The following EPM2A variants were observed in gnomAD, a reference collection of about 807,000 sequenced individuals.
EPM2A encodes the protein laforin.
In EPM2A, 21 loss-of-function variants were observed where a neutral mutation model predicts 26.5. The observed-to-expected ratio is 0.79, with a 90% CI of 0.56 to 1.14. The LOEUF (loss-of-function observed/expected upper bound fraction) is 1.14, where lower values mean the gene tolerates loss of function less well. Among genes scored for constraint, EPM2A ranks in the 50% most tolerant of loss-of-function variants. The pLI is 0.00. For missense variants in EPM2A, 458 were observed against 440.8 expected, an observed-to-expected ratio of 1.04 and a Z score of -0.35; for synonymous variants, 217 against 177.6, an observed-to-expected ratio of 1.22 and a Z score of -1.76.
chr6:145,483,849 C>T (rs1395871751), intron 4 of EPM2A, among the ~76,000 whole-genome samples: 1 of 152,186 alleles, frequency 6.6e-6, no homozygotes, highest in Non-Finnish European at 1.5e-5. Context: ...GTATCTCACA[C>T]ATTCAGTAAT....
intron 2 of EPM2A, among the ~76,000 whole-genome samples, chr6:145,667,545 G>GAA (rs1393352145): frequency 2.0e-5 from 3 of 151,404 alleles, no homozygotes; most frequent in African/African-American, 7.4e-5. Flanking sequence ...GGAGAAATAG[G>GAA]AACACTTTAC....
Position 145,423,010 on chromosome 6 carries a change from G to A in EPM2A, c.556-38913C>T, listed in dbSNP as rs116369585. On this transcript the variant is annotated intron_variant, in intron 4 of 4. Coordinates refer to the EPM2A transcript ENST00000638717. ...TAATAAATGATCATTAATTTAATTA[G>A]GGCTCATTTTACTAAGCTTAAAGAT... Among the ~76,000 whole-genome samples the A allele has an allele frequency of 6.1e-3, 924 of 151,758 alleles. 8 individuals are homozygous for A. The highest frequency in any genetic ancestry group is 0.022 in the African/African-American group (891 of 41,382).
intron 2 of EPM2A, among the ~76,000 whole-genome samples, chr6:145,669,826 A>T (rs1779515982): frequency 6.6e-6 from 1 of 152,218 alleles, no homozygotes; most frequent in Non-Finnish European, 1.5e-5. Context: ...TTTAAAATTC[A>T]TGAGTCAGTA....
intron 2 of EPM2A, among the ~76,000 whole-genome samples, chr6:145,665,374 T>C (rs1184826136): frequency 1.2e-5 from 1 of 82,666 alleles, no homozygotes; most frequent in Non-Finnish European, 2.3e-5. Context: ...CATCAGAGAA[T>C]ACTACAAACA....
downstream of EPM2A, among the ~76,000 whole-genome samples, chr6:145,497,695 C>G (rs1463722683): frequency 6.6e-6 from 1 of 152,196 alleles, no homozygotes; most frequent in African/African-American, 2.4e-5. Flanking sequence ...GGAGTCTGTC[C>G]CAGGAAATTT....
intron 4 of EPM2A, among the ~76,000 whole-genome samples, chr6:145,388,372 A>T (rs1422736402): frequency 6.6e-6 from 1 of 152,120 alleles, no homozygotes; most frequent in Non-Finnish European, 1.5e-5. Flanking sequence ...CATATACTAC[A>T]GCCACTGCTA....
intron 4 of EPM2A, among the ~76,000 whole-genome samples, chr6:145,451,447 T>A (rs1347764385): frequency 6.6e-6 from 1 of 152,250 alleles, no homozygotes; most frequent in Admixed American, 6.5e-5. Context: ...TCTTGAGTTT[T>A]GATGTAGCAT....
At chr6:145,475,683 T>C (rs963455513) in intron 4 of EPM2A, among the ~76,000 whole-genome samples, 6 of 152,054 alleles carry the variant, frequency 3.9e-5, no homozygotes, top group African/African-American at 1.4e-4. Flanking sequence ...TTTCTTTCTG[T>C]TTGTTCATTT....
intron 2 of EPM2A, among the ~76,000 whole-genome samples, chr6:145,666,005 G>A (rs1779154183): frequency 6.8e-6 from 1 of 146,328 alleles, no homozygotes; most frequent in Non-Finnish European, 1.5e-5. Flanking sequence ...GGTATTGATG[G>A]GACGTATTTC....
intron 2 of EPM2A, among the ~76,000 whole-genome samples, chr6:145,539,959 G>A (rs1176011773): frequency 2.6e-5 from 4 of 152,134 alleles, no homozygotes; most frequent in African/African-American, 4.8e-5. Context: ...TAGGCAACTC[G>A]AAACAGCTAC....
At chr6:145,715,971 C>T (rs937226999) in intron 1 of EPM2A, among the ~76,000 whole-genome samples, 6 of 152,132 alleles carry the variant, frequency 3.9e-5, no homozygotes, top group African/African-American at 1.4e-4. Flanking sequence ...CAACCATCCC[C>T]ACCTCCCCAG....
chr6:145,385,356 T>C (rs901493496), intron 4 of EPM2A, among the ~76,000 whole-genome samples: 1 of 120,280 alleles, frequency 8.3e-6, no homozygotes, highest in Non-Finnish European at 1.8e-5. Context: ...CTTCCTTAAA[T>C]ATAAAGCTCA....
chr6:145,611,373 C>G (rs1775388285), intron 2 of EPM2A, among the ~76,000 whole-genome samples: 1 of 151,986 alleles, frequency 6.6e-6, no homozygotes, highest in South Asian at 2.1e-4. Context: ...TAATTATATA[C>G]AAGACTCCTT....
intron 4 of EPM2A, among the ~76,000 whole-genome samples, chr6:145,440,495 C>G (rs531493055): frequency 1.3e-5 from 2 of 152,152 alleles, no homozygotes; most frequent in Non-Finnish European, 2.9e-5. Flanking sequence ...CAATAGTCCC[C>G]AAAGTCTTAA....
rs1356603336 is a variant in EPM2A at position 145,465,290 on chromosome 6, G to A, written c.555+37232C>T. On this transcript the variant is annotated intron_variant, in intron 4 of 4. Coordinates refer to the EPM2A transcript ENST00000638717. ...CTCCTGAGGCTTCTGCATTCTTCAC[G>A]TAGTTCTCGAGCCTTGGTTTTCAGC... is the stretch of plus-strand genomic sequence containing the variant. Among the ~76,000 whole-genome samples, 5 of 150,582 alleles carry A rather than the reference G, an allele frequency of 3.3e-5. No individual in the cohort carries two copies. In the South Asian group the frequency reaches 6.3e-4, roughly 19 times the overall value.
At chr6:145,480,928 T>C (rs1779605007) in intron 4 of EPM2A, among the ~76,000 whole-genome samples, 1 of 152,126 alleles carries the variant, frequency 6.6e-6, no homozygotes, top group African/African-American at 2.4e-5. Context: ...CATAATTGGA[T>C]ATTTTTATGT....
intron 1 of EPM2A, among the ~76,000 whole-genome samples, 163 bp from the exon 2 acceptor site, chr6:145,686,459 C>T (rs552838098): frequency 7.2e-5 from 11 of 152,134 alleles, no homozygotes; most frequent in South Asian, 2.1e-4. Context: ...AAAAACAGAA[C>T]GGTAGGAATT....
intron 4 of EPM2A, among the ~76,000 whole-genome samples, chr6:145,447,431 C>A (rs566557470): frequency 6.6e-6 from 1 of 152,102 alleles, no homozygotes; most frequent in African/African-American, 2.4e-5. Context: ...GTTTCATTAT[C>A]TCTCACTTTT....
intron 2 of EPM2A, among the ~76,000 whole-genome samples, chr6:145,517,585 T>C (rs1425624799): frequency 6.6e-6 from 1 of 152,182 alleles, no homozygotes; most frequent in Non-Finnish European, 1.5e-5. Flanking sequence ...ATGTAAGAAC[T>C]ATTTAAATAG....
Sources: gnomAD v4.1 joint callset for allele counts (sites outside exome capture counted in the v4.1 genomes callset) on GRCh38, gnomAD v4.1.1 for gene constraint, MANE v1.5 for transcripts, NCBI Gene and HGNC (gene_info 2026-07-23, HGNC 2026-07-21) for gene names.